The following LAMC3 variants were observed in gnomAD, a reference collection of about 807,000 sequenced individuals.
LAMC3 encodes the protein laminin subunit gamma 3.
In LAMC3, 128 loss-of-function variants were observed where a neutral mutation model predicts 173.8. The observed-to-expected ratio is 0.74, with a 90% CI of 0.64 to 0.85. The LOEUF is 0.85. LAMC3 is among the 40% of genes least tolerant of loss of function. The probability of loss-of-function intolerance (pLI) is 0.00; values close to 1 mark genes in which losing one functional copy is unlikely to be tolerated. For missense variants in LAMC3, 2,022 were observed against 2,156.0 expected, an observed-to-expected ratio of 0.94 and a Z score of 1.23; for synonymous variants, 897 against 909.1, an observed-to-expected ratio of 0.99 and a Z score of 0.24.
At position 131,094,291 on chromosome 9, in the gene LAMC3, G is replaced by A. The variant is rs916100258; in HGVS notation, c.*2504G>A. The A allele has an allele frequency of 6.6e-6, 1 of 152,256 alleles. No homozygotes were observed. The highest frequency in any genetic ancestry group is 2.4e-5 in the African/African-American group (1 of 41,432). The allele number at this position is 152,256 out of a possible 1,614,324, so 9.4% of individuals were successfully genotyped here. A position where few individuals can be genotyped will look rare whatever the true frequency, so the allele number is the denominator to read the frequency against. ...ATTCCAGCTTCTCAGCTTAGGTGAA[G>A]TCCCACCAACCCCCGTTCAGGATAA... On this transcript the variant is annotated 3_prime_UTR_variant, in exon 28 of 28. Coordinates refer to ENST00000361069, the MANE Select transcript of LAMC3 (RefSeq NM_006059.4).
In LAMC3 at chr9:131,057,112, C is replaced by T. The variant is rs781761519; in HGVS notation, c.2123C>T (p.Thr708Ile). Residue 708 changes from threonine to isoleucine, a missense_variant, in exon 12 of 28, where the codon ACC becomes ATC. Transcript: ENST00000361069. ...CCCTATGCCAGCTGTGTCCCCTGCA[C>T]CTGTAACCAGCATGGCACCTGTGAC... ...GGPYASCVPCTCNQHGTCDPN... is the reference protein window; with the variant it reads ...GGPYASCVPCICNQHGTCDPN... The T allele has an allele frequency of 2.2e-5, 35 of 1,614,044 alleles. No individual in the cohort carries two copies. The Admixed American group carries it at 4.0e-4, about 18-fold the overall frequency.
At chr9:131,073,369 G>A (rs759597286) in intron 20 of LAMC3, 48 bp downstream of exon 20, 23 of 1,448,068 alleles carry the variant, frequency 1.6e-5, no homozygotes, top group Non-Finnish European at 2.1e-5. Context: ...TCTCCTGGGG[G>A]TTCCAGGGTC....
chr9:131,090,111 GAT>G (rs1830397976), intron 27 of LAMC3, among the ~76,000 whole-genome samples: 1 of 152,150 alleles, frequency 6.6e-6, no homozygotes, highest in Non-Finnish European at 1.5e-5. Flanking sequence ...ACAGAGTTTA[GAT>G]AATGTGCCCA....
intron 1 of LAMC3, among the ~76,000 whole-genome samples, chr9:131,011,012 C>T (rs977889640): frequency 2.0e-5 from 3 of 152,234 alleles, no homozygotes; most frequent in African/African-American, 4.8e-5. Flanking sequence ...AGGTCAGCCT[C>T]CCAAAGCTTT....
chr9:131,035,277 T>C (rs1833921306), intron 3 of LAMC3, among the ~76,000 whole-genome samples: 1 of 152,134 alleles, frequency 6.6e-6, no homozygotes, highest in African/African-American at 2.4e-5. Flanking sequence ...AGAGGTTTAA[T>C]TGGCTCACAG....
At chr9:131,041,543 G>GT (rs1834057578) in intron 6 of LAMC3, 94 bp from the exon 7 acceptor site, 1 of 1,105,880 alleles carries the variant, frequency 9.0e-7, no homozygotes, top group South Asian at 1.3e-5. Flanking sequence ...CACTCCTGAT[G>GT]TTGGCAGCAG....
chr9:131,050,332 G>A (rs1834258189), intron 9 of LAMC3, among the ~76,000 whole-genome samples: 1 of 152,210 alleles, frequency 6.6e-6, no homozygotes. Flanking sequence ...GCTTACGGTG[G>A]GGACACAGAA....
chr9:131,060,289 A>T (rs981193830), intron 12 of LAMC3, among the ~76,000 whole-genome samples: 1 of 152,192 alleles, frequency 6.6e-6, no homozygotes, highest in Non-Finnish European at 1.5e-5. Flanking sequence ...AGAAAACAAC[A>T]GTGTAGCGAA....
rs1830352122 is a variant in LAMC3, at chr9:131,087,527, A to G, written c.4282A>G (p.Arg1428Gly). The change falls in exon 26 of 28, where the codon AGG (arginine) becomes GGG (glycine). Residue 1428 changes from arginine to glycine, a missense_variant. Coordinates refer to ENST00000361069, the MANE Select transcript of LAMC3 (RefSeq NM_006059.4). ...GAAACAGGCGCACCGCCGTGCCAGCAGGCTCACCAGCCAGACGCAAGCCAC... is the reference window on the plus strand; with the variant it reads ...GAAACAGGCGCACCGCCGTGCCAGCGGGCTCACCAGCCAGACGCAAGCCAC... ...ERKQAHRRAS[R>G]LTSQTQATLQ... is the part of the protein sequence containing the mutation. The G allele has an allele frequency of 4.3e-6, 7 of 1,613,808 alleles. No homozygotes were observed. In the East Asian group the frequency reaches 1.6e-4, roughly 36 times the overall value.
Position 131,026,471 on chromosome 9 carries a change from T to A in LAMC3, c.560T>A (p.Val187Glu). 1 of 1,613,356 alleles carries A rather than the reference T, an allele frequency of 6.2e-7. No individual in the cohort carries two copies. ...CTGCGCCCCGGCGAGGACGAGCGCGTGGCCTTCTGCACCTCTGAGTTCAGC... is the reference window on the plus strand; with the variant it reads ...CTGCGCCCCGGCGAGGACGAGCGCGAGGCCTTCTGCACCTCTGAGTTCAGC... ...QYLRPGEDER[V>E]AFCTSEFSDI... Residue 187 changes from valine to glutamate, a missense_variant, in exon 2 of 28, where the codon GTG becomes GAG. Transcript: ENST00000361069. This position sits in a 1 kb window ranked among gnomAD's most constrained non-coding sequence, Gnocchi z 4.8.
chr9:131,075,855 C>G lies in LAMC3; in HGVS notation c.3519C>G (p.Ile1173Met). The G allele has an allele frequency of 6.2e-7, 1 of 1,612,226 alleles. No individual in the cohort carries two copies. Among genetic ancestry groups the G allele is most frequent in the Non-Finnish European group, 8.5e-7 (1 of 1,179,288 alleles). The change falls in exon 21 of 28, where the codon ATC (isoleucine) becomes ATG (methionine). Residue 1173 changes from isoleucine to methionine, a missense_variant. By Grantham distance (10) the Ile-to-Met change is conservative (BLOSUM62 1). Transcript: ENST00000361069. ...GCCACAGAGACACCGCCACCAAGAT[C>G]GCAGCCACTGCTTGGAGGGCCCTGC... is the stretch of plus-strand genomic sequence containing the variant. The part of the protein sequence containing the change: ...ARSHRDTATK[I>M]AATAWRALLA...
At chr9:131,078,217 C>T (rs1041566941) in intron 22 of LAMC3, among the ~76,000 whole-genome samples, 5 of 152,110 alleles carry the variant, frequency 3.3e-5, no homozygotes, top group Admixed American at 1.3e-4. Context: ...CTTGGCCGGG[C>T]GCGGTGGCTC....
intron 7 of LAMC3, among the ~76,000 whole-genome samples, chr9:131,044,680 C>A (rs1012641579): frequency 6.6e-6 from 1 of 152,162 alleles, no homozygotes; most frequent in African/African-American, 2.4e-5. Flanking sequence ...TGTGATATGA[C>A]GAGAAGGGTA....
At chr9:131,089,840 G>A (rs540146848) in intron 27 of LAMC3, among the ~76,000 whole-genome samples, 1 of 152,316 alleles carries the variant, frequency 6.6e-6, no homozygotes, top group Admixed American at 6.5e-5. Flanking sequence ...CCCACACTAA[G>A]CTATTCACAC....
At chr9:131,022,825 G>T (rs1833651730) in intron 1 of LAMC3, among the ~76,000 whole-genome samples, 1 of 151,990 alleles carries the variant, frequency 6.6e-6, no homozygotes, top group African/African-American at 2.4e-5. Flanking sequence ...CGATCCTCCA[G>T]CCTCAGCCTC....
At chr9:131,090,187 C>T (rs955405450) in intron 27 of LAMC3, among the ~76,000 whole-genome samples, 3 of 152,262 alleles carry the variant, frequency 2.0e-5, no homozygotes, top group Admixed American at 6.5e-5. Context: ...ACTCAGCGTG[C>T]GTGCAGGTAG....
chr9:131,073,944 CTTTTT>C (rs57877574), intron 20 of LAMC3, among the ~76,000 whole-genome samples: 1 of 90,822 alleles, frequency 1.1e-5, no homozygotes, highest in Non-Finnish European at 2.1e-5. Context: ...CTTTTCTTTT[CTTTTT>C]TTTTTTTTTT....
chr9:131,042,895 G>A (rs1173070976), intron 7 of LAMC3, among the ~76,000 whole-genome samples: 6 of 148,074 alleles, frequency 4.1e-5, no homozygotes, highest in African/African-American at 1.3e-4. Flanking sequence ...CATACCCACA[G>A]CAGACATCAC....
At chr9:131,042,091 C>T (rs749253840) in intron 7 of LAMC3, among the ~76,000 whole-genome samples, 2 of 152,110 alleles carry the variant, frequency 1.3e-5, no homozygotes, top group Non-Finnish European at 2.9e-5. Flanking sequence ...TGGCAGACAT[C>T]GCTAATGGAG....
Sources: allele counts gnomAD v4.1 joint callset (sites outside exome capture counted in the v4.1 genomes callset), GRCh38; gene constraint gnomAD v4.1.1; non-coding constraint Gnocchi (gnomAD v3.1); transcripts MANE v1.5; gene names NCBI Gene and HGNC (gene_info 2026-07-23, HGNC 2026-07-21).